The following GLIS3 variants were observed in gnomAD, a reference collection of about 807,000 sequenced individuals.
GLIS3 encodes the protein GLIS family zinc finger 3, also known as zinc finger protein GLIS3.
Under a neutral mutation model 78.6 loss-of-function variants are expected in GLIS3, and 53 were observed. The observed-to-expected ratio is 0.67, with a 90% confidence interval of 0.54 to 0.85. The LOEUF (loss-of-function observed/expected upper bound fraction) is 0.85, where lower values mean the gene tolerates loss of function less well. Among genes scored for constraint, GLIS3 ranks in the 40% least tolerant of loss-of-function variants. GLIS3 has a pLI of 0.00. For missense variants in GLIS3, 1,703 were observed against 1,231.1 expected (o/e 1.38, Z -5.74); for synonymous variants, 684 against 509.9 (o/e 1.34, Z -4.60).
chr9:4,403,920 G>T, the GLIS3 span, among the ~76,000 whole-genome samples: 4 of 152,058 alleles, frequency 2.6e-5, no homozygotes, highest in Non-Finnish European at 4.4e-5. Context: ...CCAATCAAAA[G>T]ACAGAGAGTG....
chr9:4,380,380 G>A, the GLIS3 span, among the ~76,000 whole-genome samples: 4 of 152,192 alleles, frequency 2.6e-5, no homozygotes, highest in Non-Finnish European at 5.9e-5. Flanking sequence ...AAATAAGGGG[G>A]CAAACTTCAA....
chr9:4,184,488 T>A (rs1817596130), intron 2 of GLIS3, among the ~76,000 whole-genome samples: 1 of 152,332 alleles, frequency 6.6e-6, no homozygotes, highest in Non-Finnish European at 1.5e-5. Flanking sequence ...GTCCCCTTGG[T>A]GAGCATCTGA....
intron 6 of GLIS3, among the ~76,000 whole-genome samples, chr9:3,906,829 T>C (rs1185805189): frequency 1.3e-5 from 2 of 152,246 alleles, no homozygotes; most frequent in African/African-American, 4.8e-5. Context: ...ATACTGTGAC[T>C]GTACCACGTA....
intron 4 of GLIS3, among the ~76,000 whole-genome samples, chr9:4,021,483 G>A (rs1489000472): frequency 6.6e-6 from 1 of 151,982 alleles, no homozygotes; most frequent in East Asian, 1.9e-4. Flanking sequence ...CACAGAATAC[G>A]GCAATCTGTA....
At chr9:4,109,502 T>C (rs1831038517) in intron 4 of GLIS3, among the ~76,000 whole-genome samples, 1 of 152,236 alleles carries the variant, frequency 6.6e-6, no homozygotes, top group African/African-American at 2.4e-5. Context: ...GTGTTTCATA[T>C]GATAGCTGCC....
At chr9:4,346,055 G>A (rs1817893867) in intron 2 of GLIS3, among the ~76,000 whole-genome samples, 1 of 151,902 alleles carries the variant, frequency 6.6e-6, no homozygotes, top group Admixed American at 6.6e-5. Flanking sequence ...AGACACAGAA[G>A]AACTAAAATT....
intron 2 of GLIS3, among the ~76,000 whole-genome samples, chr9:4,269,782 G>A (rs555437152): frequency 4.6e-5 from 7 of 152,072 alleles, no homozygotes; most frequent in African/African-American, 1.2e-4. Flanking sequence ...TAATAAAGAG[G>A]GTAAAAAAAT....
At chr9:4,414,466 T>C in the GLIS3 span, among the ~76,000 whole-genome samples, 1 of 152,198 alleles carries the variant, frequency 6.6e-6, no homozygotes, top group Non-Finnish European at 1.5e-5. Context: ...TGAACCTCAG[T>C]TGTCTCAGTG....
At chr9:4,049,333 G>A (rs1825515714) in intron 4 of GLIS3, among the ~76,000 whole-genome samples, 1 of 152,090 alleles carries the variant, frequency 6.6e-6, no homozygotes, top group East Asian at 1.9e-4. Flanking sequence ...CTTCTGCAGG[G>A]CCCCTTCCTC....
At chr9:4,484,014 T>C in the GLIS3 span, among the ~76,000 whole-genome samples, 1 of 152,190 alleles carries the variant, frequency 6.6e-6, no homozygotes, top group Non-Finnish European at 1.5e-5. Context: ...GGTATATAAG[T>C]GCTTTGTGTT....
At chr9:4,192,954 C>T (rs1818466870) in intron 2 of GLIS3, among the ~76,000 whole-genome samples, 1 of 152,198 alleles carries the variant, frequency 6.6e-6, no homozygotes, top group Admixed American at 6.5e-5. Flanking sequence ...GGTCAGCATT[C>T]TGAAGAGTGC....
intron 2 of GLIS3, among the ~76,000 whole-genome samples, chr9:4,254,517 T>G (rs1239295960): frequency 6.6e-6 from 1 of 152,156 alleles, no homozygotes; most frequent in Non-Finnish European, 1.5e-5. Flanking sequence ...CTGGAAGGGT[T>G]AGAAGAGCTA....
At chr9:4,246,999 A>G (rs1364252000) in intron 2 of GLIS3, among the ~76,000 whole-genome samples, 2 of 152,206 alleles carry the variant, frequency 1.3e-5, no homozygotes, top group Non-Finnish European at 2.9e-5. Context: ...AAAGTGGTTG[A>G]ATTGTCTGTT....
At chr9:3,885,712 G>C (rs1268661032) in intron 7 of GLIS3, among the ~76,000 whole-genome samples, 1 of 152,146 alleles carries the variant, frequency 6.6e-6, no homozygotes, top group East Asian at 1.9e-4. Flanking sequence ...TTGTCTCTTT[G>C]TCTCTCTCCC....
chr9:4,088,463 CCCTT>C (rs1345307808), intron 4 of GLIS3, among the ~76,000 whole-genome samples: 2 of 152,324 alleles, frequency 1.3e-5, no homozygotes, highest in Admixed American at 1.3e-4. Flanking sequence ...GTACAATCCT[CCCTT>C]ATTTTCCTTA....
chr9:4,011,428 G>A (rs557171249), intron 4 of GLIS3, among the ~76,000 whole-genome samples: 1 of 152,190 alleles, frequency 6.6e-6, no homozygotes, highest in African/African-American at 2.4e-5. Context: ...CGAGGCACTC[G>A]GCATTCAGTG....
chr9:4,437,851 A>G, the GLIS3 span, among the ~76,000 whole-genome samples: 1 of 152,062 alleles, frequency 6.6e-6, no homozygotes, highest in Non-Finnish European at 1.5e-5. Context: ...CTTTCTTACG[A>G]TTTTCTTAAT....
chr9:4,395,245 C>T, the GLIS3 span, among the ~76,000 whole-genome samples: 1 of 152,144 alleles, frequency 6.6e-6, no homozygotes, highest in Admixed American at 6.5e-5. Context: ...CACTATTTTA[C>T]AAGTATAATA....
intron 2 of GLIS3, among the ~76,000 whole-genome samples, chr9:4,154,676 G>A (rs1192725830): frequency 1.3e-5 from 2 of 152,104 alleles, no homozygotes; most frequent in Non-Finnish European, 2.9e-5. Context: ...TAGTAGATAA[G>A]ACATAAAATG....
Sources: gnomAD v4.1 joint callset for allele counts (sites outside exome capture counted in the v4.1 genomes callset) on GRCh38, gnomAD v4.1.1 for gene constraint, MANE v1.5 for transcripts, NCBI Gene and HGNC (gene_info 2026-07-23, HGNC 2026-07-21) for gene names.